Variants in CCDC88C observed in about 807,000 individuals in gnomAD.
CCDC88C encodes the protein coiled-coil and HOOK domain protein 88C, also known as protein Daple.
CCDC88C carries 131 observed loss-of-function variants against 198.8 expected under a neutral mutation model. The observed-to-expected ratio is 0.66, with a 90% CI of 0.57 to 0.76. CCDC88C has a LOEUF of 0.76. Among genes scored for constraint, CCDC88C ranks in the 30% least tolerant of loss-of-function variants. CCDC88C has a pLI of 0.00. For missense variants in CCDC88C, 2,553 were observed against 2,631.6 expected, an observed-to-expected ratio of 0.97 and a Z score of 0.65; for synonymous variants, 1,166 against 1,114.7, an observed-to-expected ratio of 1.05 and a Z score of -0.92.
chr14:91,360,363 G>A (rs1240053887), intron 3 of CCDC88C, among the ~76,000 whole-genome samples: 3 of 151,888 alleles, frequency 2.0e-5, no homozygotes, highest in African/African-American at 7.3e-5. Context: ...TGGAACAATC[G>A]CTTGAACCTG....
chr14:91,366,421 G>A (rs1894541832), intron 3 of CCDC88C, among the ~76,000 whole-genome samples: 1 of 152,152 alleles, frequency 6.6e-6, no homozygotes, highest in Admixed American at 6.5e-5. Context: ...GGGACGCAGA[G>A]ATTGCAGTGA....
chr14:91,342,604 C>A, intron 5 of CCDC88C, 141 bp from the exon 6 acceptor site: 1 of 677,566 alleles, frequency 1.5e-6, no homozygotes, highest in Non-Finnish European at 2.7e-6. Context: ...TCTTGTCCTC[C>A]TACCAGCCTT....
intron 10 of CCDC88C, among the ~76,000 whole-genome samples, chr14:91,333,920 A>T (rs983113192): frequency 3.9e-5 from 6 of 152,246 alleles, no homozygotes; most frequent in African/African-American, 1.4e-4. Context: ...CTGTTTCACA[A>T]TGGATGTGGT....
At chr14:91,277,444 A>G (rs1890012235) in intron 29 of CCDC88C, among the ~76,000 whole-genome samples, 1 of 152,258 alleles carries the variant, frequency 6.6e-6, no homozygotes, top group Admixed American at 6.5e-5. Context: ...ATGTCCATCT[A>G]TTGACATAGG....
At position 91,377,467 on chromosome 14, in the gene CCDC88C, C is replaced by T. The variant is rs995447814; in HGVS notation, c.271-17756G>A. 3.3e-5 allele frequency among the ~76,000 whole-genome samples: 5 copies of T among 152,136 alleles called. No homozygotes were observed. The East Asian group carries it at 7.7e-4, about 23-fold the overall frequency. ...GTTCAGGGGGTTAAGGGATGCACCC[C>T]GGCCACCCGAGCATGGGACGCATCA... On this transcript the variant is annotated intron_variant, in intron 3 of 29. Transcript: ENST00000389857.
At chr14:91,289,949 C>A (rs920054368) in intron 24 of CCDC88C, among the ~76,000 whole-genome samples, 3 of 152,136 alleles carry the variant, frequency 2.0e-5, no homozygotes, top group African/African-American at 7.2e-5. Flanking sequence ...ATCTTGGCTT[C>A]AATTTCTGTG....
rs570718361 is a variant in CCDC88C, at chr14:91,396,088, T to C, written c.270+12571A>G. Among the ~76,000 whole-genome samples, 4 of 152,222 alleles carry C rather than the reference T, an allele frequency of 2.6e-5. No homozygotes were observed. The South Asian group carries it at 6.2e-4, about 24-fold the overall frequency. On this transcript the variant is annotated intron_variant, in intron 3 of 29. Coordinates refer to ENST00000389857, the MANE Select transcript of CCDC88C (RefSeq NM_001080414.4). Reference sequence around the variant, plus strand: ...ATCGCGACAATTACATCTCGAAGGATCAAGGGGCCCTGGATGCCAAGGCGA... The same window carrying C: ...ATCGCGACAATTACATCTCGAAGGACCAAGGGGCCCTGGATGCCAAGGCGA...
In CCDC88C at chr14:91,272,396, C is replaced by T; in HGVS notation, c.*229G>A. On this transcript the variant is annotated 3_prime_UTR_variant, in exon 30 of 30. Coordinates refer to ENST00000389857, the MANE Select transcript of CCDC88C (RefSeq NM_001080414.4). ...CGTGGATTATTTGTTCCAAAGATAT[C>T]AGCTGCTGGAAGCGGCAGACACAGA... The T allele has an allele frequency of 1.8e-6, 1 of 551,660 alleles. No homozygotes were observed. The highest frequency in any genetic ancestry group is 3.2e-6 in the Non-Finnish European group (1 of 314,086). 34.2% of individuals were successfully genotyped at this position (551,660 alleles called of 1,614,324 possible).
At chr14:91,293,314 TCCCATCCTCA>T (rs1230555660) in intron 23 of CCDC88C, among the ~76,000 whole-genome samples, 24 of 34,124 alleles carry the variant, frequency 7.0e-4, no homozygotes, top group South Asian at 9.7e-4. Context: ...CGGCCCACCT[TCCCATCCTCA>T]CCTGCCAAAG....
At position 91,294,189 on chromosome 14, in the gene CCDC88C, C is replaced by A; in HGVS notation, c.4096G>T (p.Glu1366Ter). 1 of 1,614,020 alleles carries A rather than the reference C, an allele frequency of 6.2e-7. No homozygotes were observed. Among genetic ancestry groups the A allele is most frequent in the Non-Finnish European group, 8.5e-7 (1 of 1,179,882 alleles). ...CCTGCTTACATGTACTGCTTCTGCT[C>A]CTCATGGTACTGCTCCTTGTTCTCC... ...NMENKEQYHEEQKQYIDKLNA... is the reference protein window; with the variant it reads ...NMENKEQYHE Residue 1366 changes from glutamate to a stop codon, truncating the protein, a stop_gained, in exon 23 of 30, where the codon GAG becomes TAG. Transcript: ENST00000389857. LOFTEE classifies it high-confidence loss of function.
At chr14:91,324,136 G>C (rs1004223158) in intron 12 of CCDC88C, among the ~76,000 whole-genome samples, 2 of 152,252 alleles carry the variant, frequency 1.3e-5, no homozygotes, top group African/African-American at 4.8e-5. Flanking sequence ...ATTGTTTGCC[G>C]GGGCTGAGGC....
rs1889745486 is a variant in CCDC88C, at chr14:91,271,792, C to T, written c.*833G>A. On this transcript the variant is annotated 3_prime_UTR_variant, in exon 30 of 30. Transcript: ENST00000389857. ...GGTTACACATCGAGCTTGCACCTCGCTCTGTGCGGATGACCCCTCGGTGCA... is the reference window on the plus strand; with the variant it reads ...GGTTACACATCGAGCTTGCACCTCGTTCTGTGCGGATGACCCCTCGGTGCA... The T allele has an allele frequency of 6.6e-6, 1 of 152,636 alleles. No homozygotes were observed. The highest frequency in any genetic ancestry group is 1.5e-5 in the Non-Finnish European group (1 of 68,054). 9.5% of individuals were successfully genotyped at this position (152,636 alleles called of 1,614,324 possible).
intron 26 of CCDC88C, among the ~76,000 whole-genome samples, chr14:91,282,956 C>A (rs1263334900): frequency 6.6e-6 from 1 of 152,216 alleles, no homozygotes; most frequent in African/African-American, 2.4e-5. Context: ...TATCTTCTCT[C>A]GAGAAAAAAA....
chr14:91,343,566 G>T, intron 5 of CCDC88C, 33 bp downstream of exon 5: 1 of 1,612,816 alleles, frequency 6.2e-7, no homozygotes, highest in Non-Finnish European at 8.5e-7. Context: ...GGCTGGGGTA[G>T]GTCCCTCTGC....
intron 3 of CCDC88C, among the ~76,000 whole-genome samples, chr14:91,377,304 C>G (rs931507846): frequency 7.2e-5 from 11 of 152,204 alleles, no homozygotes; most frequent in Admixed American, 5.9e-4. Flanking sequence ...GAGCTCCCAG[C>G]CTGAGGCCTG....
In CCDC88C at chr14:91,304,426, AAAGT is replaced by A. The variant is rs554425771; in HGVS notation, c.3358-452_3358-449del. Among the ~76,000 whole-genome samples, 234 of 152,332 alleles carry A rather than the reference AAAGT, an allele frequency of 1.5e-3. 2 individuals are homozygous for A. Among genetic ancestry groups the A allele is most frequent in the Non-Finnish European group, 3.0e-3 (202 of 68,022 alleles). On this transcript the variant is annotated intron_variant, in intron 19 of 29. Transcript: ENST00000389857. The stretch of plus-strand genomic sequence containing the variant: ...AGTGAGACCCCATCTCTACAAAAAA[AAAGT>A]ATTTTTAACTTAGCTGGGCATGGTG...
chr14:91,389,592 A>AT (rs2139974149), intron 3 of CCDC88C, among the ~76,000 whole-genome samples: 1 of 152,194 alleles, frequency 6.6e-6, no homozygotes, highest in South Asian at 2.1e-4. Flanking sequence ...GTGAAAAAAG[A>AT]TTTTTGGCTG....
In CCDC88C at chr14:91,272,658, C is replaced by T. The variant is rs370072154; in HGVS notation, c.6054G>A (p.Pro2018=). Residue 2018 remains proline (P), a synonymous_variant, in exon 30 of 30, where the codon CCG becomes CCA. Coordinates refer to ENST00000389857, the MANE Select transcript of CCDC88C (RefSeq NM_001080414.4). ...SPASPEPGGD[P]QTVWYEYGCV Reference sequence around the variant, plus strand: ...AGCCGTACTCATACCACACGGTCTGCGGATCCCCGCCGGGCTCCGGGGAGG... The same window carrying T: ...AGCCGTACTCATACCACACGGTCTGTGGATCCCCGCCGGGCTCCGGGGAGG... The T allele has an allele frequency of 4.9e-5, 79 of 1,611,268 alleles. No homozygotes were observed. In the African/African-American group the frequency reaches 5.3e-4, roughly 11 times the overall value.
intron 6 of CCDC88C, among the ~76,000 whole-genome samples, chr14:91,341,579 C>T (rs966485996): frequency 6.6e-6 from 1 of 152,232 alleles, no homozygotes; most frequent in Non-Finnish European, 1.5e-5. Context: ...GCATGCAAAT[C>T]TTCATGTATT....
Sources: gnomAD v4.1 joint callset for allele counts (sites outside exome capture counted in the v4.1 genomes callset) on GRCh38, gnomAD v4.1.1 for gene constraint, MANE v1.5 for transcripts, NCBI Gene and HGNC (gene_info 2026-07-23, HGNC 2026-07-21) for gene names.